Variants in LHFPL6 observed in about 807,000 individuals in gnomAD.
LHFPL6 encodes LHFPL tetraspan subfamily member 6, also known as LHFPL tetraspan subfamily member 6 protein.
In LHFPL6, 9 loss-of-function variants were observed where a neutral mutation model predicts 20.6. The observed-to-expected ratio is 0.44, with a 90% CI of 0.26 to 0.76. LHFPL6 has a LOEUF of 0.76. Among genes scored for constraint, LHFPL6 ranks in the 30% least tolerant of loss-of-function variants. The pLI is 0.20. For synonymous variants in LHFPL6, 105 were observed against 98.7 expected, an observed-to-expected ratio of 1.06 and a Z score of -0.38; for missense variants, 218 against 253.5, an observed-to-expected ratio of 0.86 and a Z score of 0.95.
chr13:39,394,894 T>C (rs555018476), intron 2 of LHFPL6, among the ~76,000 whole-genome samples: 2 of 152,316 alleles, frequency 1.3e-5, no homozygotes, highest in African/African-American at 2.4e-5. Flanking sequence ...AGCACCACGC[T>C]GTCACACAGA....
intron 2 of LHFPL6, among the ~76,000 whole-genome samples, chr13:39,517,899 A>G (rs1869977690): frequency 6.6e-6 from 1 of 152,106 alleles, no homozygotes; most frequent in Non-Finnish European, 1.5e-5. Context: ...TTATGTGGAG[A>G]TCATTTCCAC....
intron 2 of LHFPL6, among the ~76,000 whole-genome samples, chr13:39,486,633 ACAGATTTAC>A (rs1474176679): frequency 2.6e-5 from 4 of 152,022 alleles, no homozygotes; most frequent in Non-Finnish European, 4.4e-5. Context: ...CACTCTAAAG[ACAGATTTAC>A]CAGTAGAAGA....
chr13:39,586,345 A>T (rs2138544262), intron 2 of LHFPL6, among the ~76,000 whole-genome samples: 1 of 152,338 alleles, frequency 6.6e-6, no homozygotes, highest in African/African-American at 2.4e-5. Flanking sequence ...ACATGCTTAC[A>T]TGCAGACCAA....
intron 2 of LHFPL6, among the ~76,000 whole-genome samples, chr13:39,506,982 T>C (rs1244854182): frequency 6.6e-6 from 1 of 152,236 alleles, no homozygotes; most frequent in Non-Finnish European, 1.5e-5. Context: ...GCAAATTTTT[T>C]TGAACAGTGC....
chr13:39,578,805 A>C (rs1418178219), intron 2 of LHFPL6, among the ~76,000 whole-genome samples: 1 of 152,180 alleles, frequency 6.6e-6, no homozygotes, highest in Non-Finnish European at 1.5e-5. Context: ...TTGCTCATAA[A>C]GTTTCCCAGG....
At chr13:39,425,118 A>G (rs1051162052) in intron 2 of LHFPL6, among the ~76,000 whole-genome samples, 2 of 152,134 alleles carry the variant, frequency 1.3e-5, no homozygotes, top group Admixed American at 1.3e-4. Context: ...GCTTTCAATC[A>G]TAACAGGTTA....
chr13:39,565,588 C>T (rs969721380), intron 2 of LHFPL6, among the ~76,000 whole-genome samples: 3 of 152,104 alleles, frequency 2.0e-5, no homozygotes, highest in Non-Finnish European at 2.9e-5. Context: ...CAAATGGTGG[C>T]GATCTGTTGT....
At chr13:39,477,091 G>A (rs1195441859) in intron 2 of LHFPL6, among the ~76,000 whole-genome samples, 1 of 152,058 alleles carries the variant, frequency 6.6e-6, no homozygotes, top group Non-Finnish European at 1.5e-5. Flanking sequence ...TTCTGAACCT[G>A]GTCTTCTCCC....
chr13:39,536,740 A>C (rs1241368808), intron 2 of LHFPL6, among the ~76,000 whole-genome samples: 1 of 152,236 alleles, frequency 6.6e-6, no homozygotes, highest in Non-Finnish European at 1.5e-5. Flanking sequence ...TAACCAGCAG[A>C]ATGCAATTAA....
chr13:39,502,968 T>C (rs765909934), intron 2 of LHFPL6, among the ~76,000 whole-genome samples: 6 of 152,188 alleles, frequency 3.9e-5, no homozygotes, highest in African/African-American at 7.2e-5. Context: ...TCATAGCTTA[T>C]GGCAGACTCA....
At chr13:39,502,671 A>T (rs953412277) in intron 2 of LHFPL6, among the ~76,000 whole-genome samples, 2 of 152,050 alleles carry the variant, frequency 1.3e-5, no homozygotes, top group Admixed American at 6.6e-5. Context: ...GTGAAGCTGG[A>T]ACACAGGATC....
intron 3 of LHFPL6, among the ~76,000 whole-genome samples, chr13:39,377,298 C>T (rs536108614): frequency 4.3e-4 from 66 of 152,240 alleles, no homozygotes; most frequent in African/African-American, 1.3e-3. Flanking sequence ...TTATTTTAAA[C>T]GAATTTGTAT....
chr13:39,427,917 T>C (rs1387658485), intron 2 of LHFPL6, among the ~76,000 whole-genome samples: 1 of 152,228 alleles, frequency 6.6e-6, no homozygotes, highest in Non-Finnish European at 1.5e-5. Flanking sequence ...TGTTTAAAAA[T>C]GTGTAGCACC....
chr13:39,573,551 C>G (rs565169005), intron 2 of LHFPL6, among the ~76,000 whole-genome samples: 6 of 152,190 alleles, frequency 3.9e-5, no homozygotes, highest in African/African-American at 1.4e-4. Flanking sequence ...AGAAAATTTT[C>G]TGAGCTTGAA....
At chr13:39,369,804 A>G (rs1291668244) in intron 3 of LHFPL6, among the ~76,000 whole-genome samples, 1 of 152,068 alleles carries the variant, frequency 6.6e-6, no homozygotes, top group Non-Finnish European at 1.5e-5. Context: ...TCTATTGAAC[A>G]CCAAACACCA....
chr13:39,455,051 A>G (rs1037590330), intron 2 of LHFPL6, among the ~76,000 whole-genome samples: 11 of 152,154 alleles, frequency 7.2e-5, no homozygotes, highest in African/African-American at 9.7e-5. Context: ...CTGTCTTTCA[A>G]TCAGAAAATG....
chr13:39,562,868 C>G (rs1003656736), intron 2 of LHFPL6, among the ~76,000 whole-genome samples: 38 of 152,032 alleles, frequency 2.5e-4, no homozygotes, highest in Admixed American at 1.3e-4. Flanking sequence ...GATTTACACA[C>G]TCTTCCTATT....
intron 2 of LHFPL6, among the ~76,000 whole-genome samples, chr13:39,483,502 T>TTTA (rs1395556254): frequency 6.6e-6 from 1 of 151,886 alleles, no homozygotes; most frequent in Non-Finnish European, 1.5e-5. Context: ...TTTTTTTTTT[T>TTTA]TACAAAACCA....
chr13:39,577,785 C>T (rs1233498833), intron 2 of LHFPL6, among the ~76,000 whole-genome samples: 7 of 151,948 alleles, frequency 4.6e-5, no homozygotes, highest in African/African-American at 2.4e-5. Context: ...AGGTGCATGC[C>T]ACCATATCCA....
Sources: gnomAD v4.1 joint callset for allele counts (sites outside exome capture counted in the v4.1 genomes callset) on GRCh38, gnomAD v4.1.1 for gene constraint, MANE v1.5 for transcripts, NCBI Gene and HGNC (gene_info 2026-07-23, HGNC 2026-07-21) for gene names.